Variants in LRP1B observed in about 807,000 individuals in gnomAD.
LRP1B encodes LDL receptor related protein 1B.
In LRP1B, 217 loss-of-function variants were observed where a neutral mutation model predicts 556.6. The ratio of observed to expected loss-of-function variants is 0.39; its 90% CI spans 0.35 to 0.44. LRP1B has a LOEUF of 0.44. LRP1B is among the 20% of genes least tolerant of loss of function. LRP1B has a pLI of 1.00. For missense variants in LRP1B, 5,053 were observed against 5,620.8 expected (o/e 0.90, Z 3.23); for synonymous variants, 2,047 against 1,865.8 (o/e 1.10, Z -2.50).
chr2:142,060,172 G>A (rs1704851876), intron 1 of LRP1B, among the ~76,000 whole-genome samples: 1 of 152,050 alleles, frequency 6.6e-6, no homozygotes, highest in Admixed American at 6.6e-5. Context: ...TAGGAAAGGA[G>A]AAATGATGGT....
Position 141,779,361 on chromosome 2 carries a change from G to C in LRP1B, c.205+30918C>G, listed in dbSNP as rs148693892. ...TCCCTCTAGAAAGACTTTTAAAAAA[G>C]ATATACTGCATTATCAAAATGTAAT... On this transcript the variant is annotated intron_variant, in intron 2 of 90. Coordinates refer to ENST00000389484, the MANE Select transcript of LRP1B (RefSeq NM_018557.3). Among the ~76,000 whole-genome samples the C allele has an allele frequency of 7.5e-4, 113 of 150,142 alleles. 4 individuals carry two copies. Among genetic ancestry groups the C allele is most frequent in the Admixed American group, 6.6e-3 (100 of 15,040 alleles).
chr2:141,075,709 A>G (rs1050602592), intron 7 of LRP1B, among the ~76,000 whole-genome samples: 1 of 152,188 alleles, frequency 6.6e-6, no homozygotes, highest in African/African-American at 2.4e-5. Flanking sequence ...AATAACACAG[A>G]TGGCTGTCTC....
chr2:141,810,174 A>T (rs1003602030), intron 2 of LRP1B, 105 bp downstream of exon 2: 1 of 922,664 alleles, frequency 1.1e-6, no homozygotes, highest in Non-Finnish European at 1.5e-6. Flanking sequence ...AGAAGGAAAG[A>T]AAGAAAGAAA....
chr2:140,265,167 A>G lies in LRP1B; in HGVS notation c.13247+5075T>C, dbSNP rs1682141492. Among the ~76,000 whole-genome samples, 8 of 152,120 alleles carry G rather than the reference A, an allele frequency of 5.3e-5. No individual in the cohort carries two copies. The South Asian group carries it at 1.7e-3, about 31-fold the overall frequency. ...TAGGGAAAAAATCTTAGCAGGTAGG[A>G]AGGCTTGGTCAACTTACTATTGAGC... On this transcript the variant is annotated intron_variant, in intron 86 of 90. Coordinates refer to ENST00000389484, the MANE Select transcript of LRP1B (RefSeq NM_018557.3).
intron 18 of LRP1B, among the ~76,000 whole-genome samples, chr2:140,976,076 C>T (rs1027764995): frequency 6.6e-6 from 1 of 151,976 alleles, no homozygotes; most frequent in African/African-American, 2.4e-5. Context: ...CATCACCACC[C>T]CTGGCTAATT....
rs1681426354 is a variant in LRP1B, at chr2:140,342,126, T to C, written c.11893-6288A>G. Among the ~76,000 whole-genome samples, 3 of 151,478 alleles carry C rather than the reference T, an allele frequency of 2.0e-5. No homozygotes were observed. In the South Asian group the frequency reaches 6.2e-4, roughly 31 times the overall value. ...ATATAACTATTTATTTGTGAATTCA[T>C]TTTGCCACATATAATTTATAATTAT... On this transcript the variant is annotated intron_variant, in intron 77 of 90. Transcript: ENST00000389484.
chr2:140,514,136 T>C (rs143952256), intron 51 of LRP1B, among the ~76,000 whole-genome samples: 2 of 152,018 alleles, frequency 1.3e-5, no homozygotes, highest in African/African-American at 4.8e-5. Context: ...TCTAATCTTA[T>C]AAAGCTACAT....
chr2:141,294,773 T>C (rs912357777), intron 3 of LRP1B, among the ~76,000 whole-genome samples: 5 of 150,974 alleles, frequency 3.3e-5, no homozygotes, highest in African/African-American at 4.9e-5. Flanking sequence ...AAAACAAAAA[T>C]TGATTTTTCC....
rs896347568 is a variant in LRP1B at position 141,096,692 on chromosome 2, A to G, written c.1014-34419T>C. 1.4e-3 allele frequency among the ~76,000 whole-genome samples: 114 copies of G among 84,108 alleles called. 2 individuals carry two copies. The highest frequency in any genetic ancestry group is 6.1e-3 in the Admixed American group (49 of 8,042). 55.2% of individuals were successfully genotyped at this position (84,108 alleles called of 152,430 possible). A position where few individuals can be genotyped will look rare whatever the true frequency, so the allele number is the denominator to read the frequency against. On this transcript the variant is annotated intron_variant, in intron 7 of 90. Coordinates refer to ENST00000389484, the MANE Select transcript of LRP1B (RefSeq NM_018557.3). ...AGAGAGAGAGAGAGAGAGAGAGAGA[A>G]AATAAATAAATACATCTTCAGGAAC...
intron 1 of LRP1B, among the ~76,000 whole-genome samples, chr2:141,851,289 T>C (rs1697847029): frequency 6.6e-6 from 1 of 151,874 alleles, no homozygotes; most frequent in Non-Finnish European, 1.5e-5. Flanking sequence ...TATTGTTCCA[T>C]TAACTCCAAG....
intron 47 of LRP1B, among the ~76,000 whole-genome samples, chr2:140,528,623 CATA>C (rs1690544723): frequency 6.6e-6 from 1 of 151,774 alleles, no homozygotes; most frequent in South Asian, 2.1e-4. Flanking sequence ...CCTGTCTCCA[CATA>C]TTGCATTATT....
At chr2:141,461,869 T>A (rs183282946) in intron 3 of LRP1B, among the ~76,000 whole-genome samples, 2 of 152,300 alleles carry the variant, frequency 1.3e-5, no homozygotes, top group East Asian at 3.9e-4. Context: ...AATAATTACT[T>A]TGTCATCGTA....
At chr2:140,532,152 CTTA>C (rs944569756) in intron 47 of LRP1B, among the ~76,000 whole-genome samples, 5 of 152,044 alleles carry the variant, frequency 3.3e-5, no homozygotes, top group African/African-American at 1.2e-4. Flanking sequence ...GCAAACCATC[CTTA>C]TTGTCTTATC....
chr2:140,377,041 C>A (rs1025054309), intron 68 of LRP1B, among the ~76,000 whole-genome samples: 3 of 152,076 alleles, frequency 2.0e-5, no homozygotes, highest in African/African-American at 4.8e-5. Context: ...GGAATCATTG[C>A]AATACAGGAG....
chr2:140,417,592 T>C (rs1685254700), intron 66 of LRP1B, among the ~76,000 whole-genome samples: 1 of 152,200 alleles, frequency 6.6e-6, no homozygotes, highest in Admixed American at 6.5e-5. Flanking sequence ...TGCAGAACTA[T>C]TCAAGTCTTT....
chr2:140,784,838 G>T (rs745434800), intron 32 of LRP1B, among the ~76,000 whole-genome samples: 1 of 151,522 alleles, frequency 6.6e-6, no homozygotes, highest in Admixed American at 6.6e-5. Flanking sequence ...TTTTAAGGAA[G>T]GAAATAAACA....
chr2:141,532,223 A>C (rs1049922080), intron 2 of LRP1B, among the ~76,000 whole-genome samples: 6 of 152,078 alleles, frequency 3.9e-5, no homozygotes, highest in Admixed American at 3.3e-4. Context: ...CAGAAATGAA[A>C]AACAGTTTGA....
At chr2:141,828,311 A>C (rs1407187836) in intron 1 of LRP1B, among the ~76,000 whole-genome samples, 1 of 152,144 alleles carries the variant, frequency 6.6e-6, no homozygotes, top group Non-Finnish European at 1.5e-5. Context: ...TCATTATTTA[A>C]ATGACAGCAG....
At chr2:141,298,849 G>C (rs1360011211) in intron 3 of LRP1B, among the ~76,000 whole-genome samples, 3 of 151,608 alleles carry the variant, frequency 2.0e-5, no homozygotes, top group Non-Finnish European at 4.4e-5. Flanking sequence ...AGCTACTTGG[G>C]AGGCTGAAGC....
Sources: gnomAD v4.1 joint callset for allele counts (sites outside exome capture counted in the v4.1 genomes callset) on GRCh38, gnomAD v4.1.1 for gene constraint, MANE v1.5 for transcripts, NCBI Gene and HGNC (gene_info 2026-07-23, HGNC 2026-07-21) for gene names.